The following ITGA2B variants were observed in gnomAD, a reference collection of about 807,000 sequenced individuals.
ITGA2B encodes the protein integrin subunit alpha 2b.
A neutral mutation model predicts 142.0 loss-of-function variants in ITGA2B; 91 were observed. The ratio of observed to expected loss-of-function variants is 0.64; its 90% CI spans 0.54 to 0.76. The LOEUF (loss-of-function observed/expected upper bound fraction) is 0.76, where lower values mean the gene tolerates loss of function less well. Ranked by LOEUF, ITGA2B falls within the 30% of genes least tolerant of loss-of-function variation. ITGA2B has a pLI of 0.00. For synonymous variants in ITGA2B, 536 were observed against 567.2 expected, an observed-to-expected ratio of 0.94 and a Z score of 0.78; for missense variants, 1,231 against 1,350.8, an observed-to-expected ratio of 0.91 and a Z score of 1.39.
At position 44,376,431 on chromosome 17, in the gene ITGA2B, G is replaced by A. The variant is rs369736608; in HGVS notation, c.2268-43C>T. ...AGGAGAAACAGGGCCAGGGACACCA[G>A]CCCAGTGACTTTCTGGGGGTGAGGC... On this transcript the variant is annotated intron_variant, in intron 22 of 29. Transcript: ENST00000262407. 28 of 1,595,466 alleles carry A rather than the reference G, an allele frequency of 1.8e-5. No homozygotes were observed. In the African/African-American group the frequency reaches 2.5e-4, roughly 15 times the overall value.
chr17:44,378,673 C>T lies in ITGA2B; in HGVS notation c.1916G>A (p.Cys639Tyr). The change falls in exon 19 of 30, where the codon TGT becomes TAT. Residue 639 changes from cysteine (C) to tyrosine (Y), a missense_variant. This residue lies in a region of ITGA2B where 908 missense variants were observed against 1,021.1 expected (regional missense o/e 0.89). Coordinates refer to ENST00000262407, the MANE Select transcript of ITGA2B (RefSeq NM_000419.5). ...GGCAGTGAGCTGAAGCTGGGGCACACATACGTCATCTTCCCCACAGTCCAG... is the reference window on the plus strand; with the variant it reads ...GGCAGTGAGCTGAAGCTGGGGCACATATACGTCATCTTCCCCACAGTCCAG... ...IVLDCGEDDV[C>Y]VPQLQLTASV... 3 of 1,561,106 alleles carry T rather than the reference C, an allele frequency of 1.9e-6. No individual in the cohort carries two copies. In the South Asian group the frequency reaches 3.5e-5, roughly 18 times the overall value.
rs553046849 is a variant in ITGA2B, at chr17:44,385,470, T to G, written c.574+81A>C. 2.8e-3 allele frequency: 4,148 copies of G among 1,468,158 alleles called. 94 individuals are homozygous for G. The African/African-American group carries it at 0.054, about 19-fold the overall frequency. 90.9% of individuals were successfully genotyped at this position (1,468,158 alleles called of 1,614,324 possible). A position where few individuals can be genotyped will look rare whatever the true frequency, so the allele number is the denominator to read the frequency against. On this transcript the variant is annotated intron_variant, in intron 4 of 29. Coordinates refer to ENST00000262407, the MANE Select transcript of ITGA2B (RefSeq NM_000419.5). Reference sequence around the variant, plus strand: ...GCGAGGCCAGATCCAAAGCAAGGGCTGCGGCGCTGGGGGCGGGATCCGATG... The same window carrying G: ...GCGAGGCCAGATCCAAAGCAAGGGCGGCGGCGCTGGGGGCGGGATCCGATG...
Position 44,375,923 on chromosome 17 carries a change from C to G in ITGA2B, c.2511G>C (p.Gln837His), listed in dbSNP as rs377753373. The change falls in exon 25 of 30, where the codon CAG (glutamine) becomes CAC (histidine). Residue 837 changes from glutamine (Q) to histidine (H), a missense_variant. Around this residue, in one of 3 missense-constraint regions of ITGA2B, gnomAD observed 908 missense variants for 1,021.1 expected, o/e 0.89. Coordinates refer to ENST00000262407, the MANE Select transcript of ITGA2B (RefSeq NM_000419.5). ...GLHLSIHLPG[Q>H]SQPSDLLYIL... The stretch of plus-strand genomic sequence containing the variant: ...TGTAGAGCAGGTCGGAGGGCTGGGA[C>G]TGTCCCGGAAGGTGGATGCTGAGGT... The G allele has an allele frequency of 9.5e-4, 1,534 of 1,613,798 alleles. 22 individuals are homozygous for G. In the South Asian group the frequency reaches 0.015, roughly 16 times the overall value.
chr17:44,377,315 C>G (rs2048553714), intron 21 of ITGA2B, among the ~76,000 whole-genome samples: 2 of 152,036 alleles, frequency 1.3e-5, no homozygotes, highest in African/African-American at 4.8e-5. Context: ...TCTGCCTCAA[C>G]CTCCCGAGTA....
chr17:44,379,885 C>G, intron 17 of ITGA2B, 71 bp from the exon 18 acceptor site: 1 of 1,612,462 alleles, frequency 6.2e-7, no homozygotes, highest in Non-Finnish European at 8.5e-7. Flanking sequence ...CAGTAGGCAC[C>G]GTGTCCTGAC....
Position 44,380,268 on chromosome 17 carries a change from C to A in ITGA2B, c.1578G>T (p.Gly526=). 6.2e-7 allele frequency: 1 copy of A among 1,614,192 alleles called. No homozygotes were observed. Among genetic ancestry groups the A allele is most frequent in the South Asian group, 1.1e-5 (1 of 91,092 alleles). ...CACATAGCTTCTGAGGAATGTTGTG[C>A]CCAGTGGCTCCAACACACATCTGGA... is the stretch of plus-strand genomic sequence containing the variant. ...FNIQMCVGAT[G]HNIPQKLSLN... The change falls in exon 16 of 30, where the codon GGG becomes GGT. Residue 526 remains glycine, a synonymous_variant. Coordinates refer to ENST00000262407, the MANE Select transcript of ITGA2B (RefSeq NM_000419.5).
rs1295394890 is a variant in ITGA2B, at chr17:44,376,077, C to T, written c.2448+8G>A. 1 of 1,613,960 alleles carries T rather than the reference C, an allele frequency of 6.2e-7. No individual in the cohort carries two copies. The highest frequency in any genetic ancestry group is 8.5e-7 in the Non-Finnish European group (1 of 1,179,998). On this transcript the variant is annotated splice_region_variant and intron_variant, in intron 24 of 29. Coordinates refer to ENST00000262407, the MANE Select transcript of ITGA2B (RefSeq NM_000419.5). ...CACCCCAGCCAGGGACGCGAGGCTC[C>T]CCAATACCTCATAGGTGTGCTCCAC...
At chr17:44,385,464 A>C in intron 4 of ITGA2B, 87 bp downstream of exon 4, 15 of 1,522,628 alleles carry the variant, frequency 9.9e-6, no homozygotes, top group Non-Finnish European at 1.3e-5. Flanking sequence ...GATCCAAAGC[A>C]AGGGCTGCGG....
At chr17:44,377,264 C>T (rs1302466163) in intron 21 of ITGA2B, among the ~76,000 whole-genome samples, 176 bp from the exon 22 acceptor site, 2 of 151,592 alleles carry the variant, frequency 1.3e-5, no homozygotes, top group African/African-American at 2.4e-5. Flanking sequence ...GGCATGATCT[C>T]GGCTCACTGC....
intron 1 of ITGA2B, among the ~76,000 whole-genome samples, chr17:44,387,826 CAAA>C (rs980395817): frequency 2.9e-4 from 7 of 24,556 alleles, no homozygotes; most frequent in Admixed American, 6.5e-4. Context: ...AACCCCATCT[CAAA>C]AAAAAAAAAA....
At chr17:44,377,904 T>TG (rs2048559528) in intron 20 of ITGA2B, 114 bp from the exon 21 acceptor site, 3 of 375,194 alleles carry the variant, frequency 8.0e-6, no homozygotes, top group South Asian at 1.8e-5. Context: ...GGGGGTTTCT[T>TG]GGGGTGGGGT....
chr17:44,380,656 C>T lies in ITGA2B; in HGVS notation c.1394-11G>A, dbSNP rs758662317. ...CTCCCACGATCAGGTCTATAGACAT[C>T]GAGGAATGGGTCAGAATTGGCGATT... On this transcript the variant is annotated splice_polypyrimidine_tract_variant and intron_variant, in intron 13 of 29. Coordinates refer to ENST00000262407, the MANE Select transcript of ITGA2B (RefSeq NM_000419.5). 3.1e-6 allele frequency: 5 copies of T among 1,614,162 alleles called. No homozygotes were observed. Among genetic ancestry groups the T allele is most frequent in the East Asian group, 2.2e-5 (1 of 44,884 alleles).
chr17:44,380,798 C>T, intron 13 of ITGA2B, 81 bp downstream of exon 13: 1 of 1,596,564 alleles, frequency 6.3e-7, no homozygotes, highest in Non-Finnish European at 8.6e-7. Context: ...GGCATGAGCC[C>T]CTGGCCGTGT....
chr17:44,378,838 G>C lies in ITGA2B; in HGVS notation c.1879-128C>G, dbSNP rs548727291. On this transcript the variant is annotated intron_variant, in intron 18 of 29. Coordinates refer to ENST00000262407, the MANE Select transcript of ITGA2B (RefSeq NM_000419.5). Reference sequence around the variant, plus strand: ...TTAGGGAGTAAGAAGATCTGAGGACGAAAAGGAGTTTGTAGATGGTATCGG... The same window carrying C: ...TTAGGGAGTAAGAAGATCTGAGGACCAAAAGGAGTTTGTAGATGGTATCGG... 6 of 788,544 alleles carry C rather than the reference G, an allele frequency of 7.6e-6. No individual in the cohort carries two copies. In the Admixed American group the frequency reaches 1.3e-4, roughly 18 times the overall value. The allele number at this position is 788,544 out of a possible 1,614,324, so 48.8% of individuals were successfully genotyped here.
At chr17:44,381,568 G>T (rs2048597824) in intron 12 of ITGA2B, among the ~76,000 whole-genome samples, 1 of 152,078 alleles carries the variant, frequency 6.6e-6, no homozygotes, top group South Asian at 2.1e-4. Context: ...GACCTCAAGT[G>T]ATCTGCCCAC....
rs1441363197 is a variant in ITGA2B, at chr17:44,386,195, G to A, written c.189-64C>T. On this transcript the variant is annotated intron_variant, in intron 1 of 29. Transcript: ENST00000262407. ...GCGTATCCCAGGCCCTGGCGCCGGC[G>A]CTGGGAGCACTGCCCGGAAGGCCAT... 5 of 1,539,932 alleles carry A rather than the reference G, an allele frequency of 3.2e-6. No homozygotes were observed. In the East Asian group the frequency reaches 7.3e-5, roughly 23 times the overall value.
chr17:44,384,206 A>AG, intron 9 of ITGA2B, 68 bp from the exon 10 acceptor site: 1 of 1,006,124 alleles, frequency 9.9e-7, no homozygotes, highest in Non-Finnish European at 1.5e-6. Flanking sequence ...CAGGTGAGAA[A>AG]GGGTGGTTTG....
Position 44,375,125 on chromosome 17 carries a change from T to A in ITGA2B, c.2728-14A>T. 1 of 1,544,308 alleles carries A rather than the reference T, an allele frequency of 6.5e-7. No individual in the cohort carries two copies. Among genetic ancestry groups the A allele is most frequent in the African/African-American group, 1.4e-5 (1 of 72,992 alleles). Reference sequence around the variant, plus strand: ...CGAGTCGCAGCTCTGAGGGGAAGCATCGTCAGTCCCCAGCCCGTCCCGGCC... The same window carrying A: ...CGAGTCGCAGCTCTGAGGGGAAGCAACGTCAGTCCCCAGCCCGTCCCGGCC... On this transcript the variant is annotated splice_polypyrimidine_tract_variant and intron_variant, in intron 26 of 29. Coordinates refer to ENST00000262407, the MANE Select transcript of ITGA2B (RefSeq NM_000419.5).
chr17:44,379,032 G>A (rs912772134), intron 18 of ITGA2B, among the ~76,000 whole-genome samples: 12 of 151,780 alleles, frequency 7.9e-5, no homozygotes, highest in Admixed American at 2.0e-4. Context: ...TGCAAGCTCC[G>A]CCCCCCGGGG....
Sources: gnomAD v4.1 joint callset for allele counts (sites outside exome capture counted in the v4.1 genomes callset) on GRCh38, gnomAD v4.1.1 for gene constraint, gnomAD v4.1.1 regional missense constraint, MANE v1.5 for transcripts, NCBI Gene and HGNC (gene_info 2026-07-23, HGNC 2026-07-21) for gene names.